The following FGGY variants were observed in gnomAD, a reference collection of about 807,000 sequenced individuals.
The protein encoded by FGGY is FGGY carbohydrate kinase domain containing.
A neutral mutation model predicts 71.3 loss-of-function variants in FGGY; 72 were observed. The observed-to-expected ratio is 1.01, with a 90% confidence interval of 0.84 to 1.23. The LOEUF (loss-of-function observed/expected upper bound fraction) is 1.23, where lower values mean the gene tolerates loss of function less well. Among genes scored for constraint, FGGY ranks in the 50% most tolerant of loss-of-function variants. The pLI, the probability that FGGY is intolerant of heterozygous loss-of-function variation, is 0.00. For synonymous variants in FGGY, 251 were observed against 250.3 expected (o/e 1.00, Z -0.02); for missense variants, 668 against 682.3 (o/e 0.98, Z 0.23).
intron 12 of FGGY, among the ~76,000 whole-genome samples, chr1:59,664,322 C>G (rs750271223): frequency 4.6e-5 from 7 of 152,170 alleles, no homozygotes; most frequent in Non-Finnish European, 1.0e-4. Context: ...GTCTGGGACA[C>G]CGAAAGGGAA....
At chr1:59,726,022 A>G (rs1335814391) in intron 14 of FGGY, among the ~76,000 whole-genome samples, 2 of 152,168 alleles carry the variant, frequency 1.3e-5, no homozygotes, top group Admixed American at 1.3e-4. Flanking sequence ...CCAGTTTTCC[A>G]TCAAGTATGA....
intron 2 of FGGY, among the ~76,000 whole-genome samples, chr1:59,330,610 A>G (rs2048292198): frequency 6.6e-6 from 1 of 151,934 alleles, no homozygotes; most frequent in Non-Finnish European, 1.5e-5. Context: ...AGACCTCCCT[A>G]CTTCTACCCA....
At chr1:59,572,470 T>C (rs1188138766) in intron 8 of FGGY, among the ~76,000 whole-genome samples, 1 of 152,146 alleles carries the variant, frequency 6.6e-6, no homozygotes, top group African/African-American at 2.4e-5. Context: ...TAGTCTTTTA[T>C]GTAAGAGAAA....
intron 9 of FGGY, among the ~76,000 whole-genome samples, chr1:59,620,670 C>T (rs914696168): frequency 3.9e-5 from 6 of 151,948 alleles, no homozygotes; most frequent in Non-Finnish European, 8.8e-5. Flanking sequence ...GCTTTCTACA[C>T]ATCTTTTTGC....
intron 7 of FGGY, among the ~76,000 whole-genome samples, chr1:59,538,870 A>T (rs1558275171): frequency 6.7e-6 from 1 of 149,412 alleles, no homozygotes; most frequent in Admixed American, 6.7e-5. Flanking sequence ...GGGGAGGGAT[A>T]GCATTGGGAG....
At chr1:59,482,329 A>G (rs534633142) in intron 6 of FGGY, among the ~76,000 whole-genome samples, 4 of 152,238 alleles carry the variant, frequency 2.6e-5, no homozygotes, top group Non-Finnish European at 4.4e-5. Context: ...GGCTTGCCAG[A>G]CACAAACCTA....
intron 1 of FGGY, 94 bp from the exon 2 acceptor site, chr1:59,321,442 C>A: frequency 1.8e-6 from 2 of 1,124,210 alleles, no homozygotes; most frequent in Non-Finnish European, 2.6e-6. Flanking sequence ...GGTTAGGTAG[C>A]GGTACCTCTT....
chr1:59,559,122 A>AG (rs1182111257), intron 8 of FGGY, among the ~76,000 whole-genome samples: 1 of 152,204 alleles, frequency 6.6e-6, no homozygotes, highest in African/African-American at 2.4e-5. Context: ...AGTGGTCCTG[A>AG]GGTGAAGTAC....
chr1:59,434,823 G>A (rs2068081060), intron 5 of FGGY, among the ~76,000 whole-genome samples: 1 of 152,228 alleles, frequency 6.6e-6, no homozygotes, highest in African/African-American at 2.4e-5. Flanking sequence ...TGAGGATTAG[G>A]TTTCAACACA....
intron 8 of FGGY, among the ~76,000 whole-genome samples, chr1:59,584,941 A>G (rs937155732): frequency 1.5e-5 from 2 of 137,116 alleles, no homozygotes; most frequent in Non-Finnish European, 3.0e-5. Flanking sequence ...AGAATAAAAT[A>G]GCTAGGAATC....
chr1:59,523,617 T>C (rs75039717), intron 7 of FGGY, among the ~76,000 whole-genome samples: 4,148 of 152,320 alleles, frequency 0.027, 199 homozygotes, highest in African/African-American at 0.095. Context: ...AAAATTTCTT[T>C]GAATATAGAA....
intron 4 of FGGY, among the ~76,000 whole-genome samples, chr1:59,366,322 C>T (rs79377824): frequency 0.029 from 4,442 of 152,132 alleles, 239 homozygotes; most frequent in African/African-American, 0.1. Context: ...GGGGGTAATG[C>T]GTCTTGTCTA....
intron 14 of FGGY, chr1:59,755,070 T>G (rs1293286870): frequency 6.6e-6 from 1 of 152,214 alleles, no homozygotes; most frequent in Non-Finnish European, 1.5e-5. Flanking sequence ...AGGCCTGATG[T>G]GCAGTAAACC....
chr1:59,686,375 G>A (rs2097544305), intron 14 of FGGY, among the ~76,000 whole-genome samples: 1 of 152,196 alleles, frequency 6.6e-6, no homozygotes, highest in Admixed American at 6.5e-5. Flanking sequence ...GGCAACAGAT[G>A]TTGAAGCATA....
At chr1:59,342,473 A>G (rs112174191) in intron 3 of FGGY, among the ~76,000 whole-genome samples, 7 of 152,302 alleles carry the variant, frequency 4.6e-5, no homozygotes, top group African/African-American at 1.7e-4. Context: ...CACTCTAATT[A>G]TAAGTGTTGA....
chr1:59,347,517 G>A (rs1166176668), intron 4 of FGGY, among the ~76,000 whole-genome samples: 2 of 152,010 alleles, frequency 1.3e-5, no homozygotes, highest in African/African-American at 4.8e-5. Flanking sequence ...ATTTGGGTTG[G>A]TTCCAAGTCT....
chr1:59,530,648 T>G (rs906477877), intron 7 of FGGY, among the ~76,000 whole-genome samples: 1 of 152,114 alleles, frequency 6.6e-6, no homozygotes, highest in Non-Finnish European at 1.5e-5. Context: ...ATTTATCAGA[T>G]GGACAAGACG....
chr1:59,465,226 T>C (rs1022497373), intron 6 of FGGY, among the ~76,000 whole-genome samples: 3 of 152,216 alleles, frequency 2.0e-5, no homozygotes, highest in Non-Finnish European at 4.4e-5. Flanking sequence ...TTAATTAACA[T>C]AATCCATCAC....
chr1:59,546,532 G>GATTATT (rs1214052314), intron 7 of FGGY, among the ~76,000 whole-genome samples: 165 of 102,120 alleles, frequency 1.6e-3, no homozygotes, highest in African/African-American at 6.3e-3. Context: ...TGATGATGAT[G>GATTATT]ATGATTATTA....
Sources: allele counts gnomAD v4.1 joint callset (sites outside exome capture counted in the v4.1 genomes callset), GRCh38; gene constraint gnomAD v4.1.1; transcripts MANE v1.5; gene names NCBI Gene and HGNC (gene_info 2026-07-23, HGNC 2026-07-21).